INPP4B: variants seen among roughly 807,000 people sequenced by gnomAD.
The protein encoded by INPP4B is inositol polyphosphate 4-phosphatase type II.
A neutral mutation model predicts 122.5 loss-of-function variants in INPP4B; 55 were observed. That is an observed-to-expected ratio of 0.45 (90% CI 0.36 to 0.56). The LOEUF (loss-of-function observed/expected upper bound fraction) is 0.56, where lower values mean the gene tolerates loss of function less well. Among genes scored for constraint, INPP4B ranks in the 20% least tolerant of loss-of-function variants. The pLI, the probability that INPP4B is intolerant of heterozygous loss-of-function variation, is 0.00. For missense variants in INPP4B, 1,000 were observed against 1,097.7 expected (o/e 0.91, Z 1.26); for synonymous variants, 403 against 388.7 (o/e 1.04, Z -0.43).
intron 2 of INPP4B, among the ~76,000 whole-genome samples, chr4:142,632,057 A>C (rs1748088636): frequency 6.6e-6 from 1 of 152,144 alleles, no homozygotes; most frequent in Admixed American, 6.6e-5. Context: ...TCAAACAGAC[A>C]AGAATGCTAT....
At chr4:142,037,170 TTTTA>T (rs544491234) in intron 25 of INPP4B, among the ~76,000 whole-genome samples, 1 of 152,300 alleles carries the variant, frequency 6.6e-6, no homozygotes, top group Non-Finnish European at 1.5e-5. Flanking sequence ...AAATGATCTT[TTTTA>T]TTTATTTATT....
intron 12 of INPP4B, among the ~76,000 whole-genome samples, chr4:142,219,770 G>A (rs185803453): frequency 1.2e-4 from 19 of 152,224 alleles, no homozygotes; most frequent in Admixed American, 4.6e-4. Flanking sequence ...GTCCAGTTTC[G>A]TAGGTAGAAG....
chr4:142,600,205 C>T (rs76909549), intron 2 of INPP4B, among the ~76,000 whole-genome samples: 1,586 of 152,172 alleles, frequency 0.01, 30 homozygotes, highest in African/African-American at 0.036. Context: ...ATCTTCTCCA[C>T]GGTACATTAT....
In INPP4B at chr4:142,594,589, T is replaced by C. The variant is rs189479872; in HGVS notation, c.-191+131250A>G. Among the ~76,000 whole-genome samples the C allele has an allele frequency of 7.2e-5, 11 of 152,306 alleles. No homozygotes were observed. In the East Asian group the frequency reaches 2.1e-3, roughly 29 times the overall value. ...TGACTTTGGGGAGCTAGACCACTTA[T>C]TATTGCCTCTCATTGATTAGCTACA... On this transcript the variant is annotated intron_variant, in intron 2 of 25. Coordinates refer to ENST00000262992, the MANE Select transcript of INPP4B (RefSeq NM_001101669.3).
intron 2 of INPP4B, among the ~76,000 whole-genome samples, chr4:142,666,666 T>C (rs778985690): frequency 5.9e-5 from 9 of 152,190 alleles, no homozygotes; most frequent in Non-Finnish European, 1.3e-4. Context: ...CATGTGTGTG[T>C]GTGTGTGTAC....
Position 142,028,611 on chromosome 4 carries a change from T to A in INPP4B, c.*171A>T. 1 of 618,530 alleles carries A rather than the reference T, an allele frequency of 1.6e-6. No homozygotes were observed. Among genetic ancestry groups the A allele is most frequent in the South Asian group, 2.4e-5 (1 of 41,408 alleles). 38.3% of individuals were successfully genotyped at this position (618,530 alleles called of 1,614,324 possible). On this transcript the variant is annotated 3_prime_UTR_variant, in exon 26 of 26. Coordinates refer to ENST00000262992, the MANE Select transcript of INPP4B (RefSeq NM_001101669.3). ...TAAGATTTTTTAAAATGGATTTCTT[T>A]CAGAGCAATATGCTGATGATGAATT...
Position 142,208,447 on chromosome 4 carries a change from C to T in INPP4B, c.1050G>A (p.Gln350=), listed in dbSNP as rs1256937933. Residue 350 remains glutamine (Q), a synonymous_variant, in exon 14 of 26, where the codon CAG becomes CAA. Coordinates refer to ENST00000262992, the MANE Select transcript of INPP4B (RefSeq NM_001101669.3). ...VPINLHLQRM[Q]VHSPHLKDAL... The stretch of plus-strand genomic sequence containing the variant: ...TACCTTTCAAGTGAGGGCTGTGTAC[C>T]TGCATTCTTTGCAGATGTAGATTTA... 2 of 1,586,172 alleles carry T rather than the reference C, an allele frequency of 1.3e-6. No individual in the cohort carries two copies. The highest frequency in any genetic ancestry group is 1.1e-5 in the South Asian group (1 of 88,358).
chr4:142,457,237 GAC>G (rs1265328563), intron 3 of INPP4B, among the ~76,000 whole-genome samples: 1 of 151,880 alleles, frequency 6.6e-6, no homozygotes, highest in Non-Finnish European at 1.5e-5. Context: ...TTGTTAATAT[GAC>G]ACAAAACATA....
At chr4:142,612,688 G>T (rs1416788828) in intron 2 of INPP4B, among the ~76,000 whole-genome samples, 1 of 152,134 alleles carries the variant, frequency 6.6e-6, no homozygotes, top group Non-Finnish European at 1.5e-5. Flanking sequence ...GAAAGGGAAA[G>T]AAAACTCCCT....
chr4:142,623,855 G>A (rs1408713615), intron 2 of INPP4B, among the ~76,000 whole-genome samples: 1 of 151,860 alleles, frequency 6.6e-6, no homozygotes, highest in African/African-American at 2.4e-5. Flanking sequence ...TACTGAGAAT[G>A]ATGATTTCCA....
At chr4:142,298,130 G>A (rs1337789024) in intron 9 of INPP4B, among the ~76,000 whole-genome samples, 1 of 151,964 alleles carries the variant, frequency 6.6e-6, no homozygotes, top group Non-Finnish European at 1.5e-5. Context: ...AAACAAAACA[G>A]GAAAGAAGAT....
At chr4:142,417,518 C>T (rs890337737) in intron 5 of INPP4B, among the ~76,000 whole-genome samples, 4 of 152,086 alleles carry the variant, frequency 2.6e-5, no homozygotes, top group East Asian at 1.9e-4. Flanking sequence ...AAATTCCTAA[C>T]AATGTATTAG....
chr4:142,347,550 T>C (rs1780668860), intron 7 of INPP4B: 3 of 429,800 alleles, frequency 7.0e-6, no homozygotes, highest in Non-Finnish European at 1.4e-5. Context: ...AATCTGTTGA[T>C]CCTGAACTGA....
intron 2 of INPP4B, among the ~76,000 whole-genome samples, chr4:142,709,323 G>A (rs1168316960): frequency 6.6e-6 from 1 of 152,096 alleles, no homozygotes; most frequent in Non-Finnish European, 1.5e-5. Context: ...AAGGCTTTGG[G>A]GGACTGTTAA....
At chr4:142,701,312 C>T (rs559928577) in intron 2 of INPP4B, among the ~76,000 whole-genome samples, 4 of 151,936 alleles carry the variant, frequency 2.6e-5, no homozygotes, top group African/African-American at 9.7e-5. Context: ...GTAGGAGATG[C>T]CCCAAAACAG....
chr4:142,228,503 G>A (rs1852635904), intron 12 of INPP4B, among the ~76,000 whole-genome samples: 2 of 151,872 alleles, frequency 1.3e-5, no homozygotes, highest in Admixed American at 1.3e-4. Flanking sequence ...AATTACTTTG[G>A]TGAAGATAGT....
At chr4:142,644,085 T>C (rs1409905234) in intron 2 of INPP4B, among the ~76,000 whole-genome samples, 2 of 151,810 alleles carry the variant, frequency 1.3e-5, no homozygotes, top group African/African-American at 2.4e-5. Context: ...CCTATAGTCC[T>C]AGCTACTTGG....
chr4:142,383,209 C>A (rs1794808569), intron 7 of INPP4B, among the ~76,000 whole-genome samples: 1 of 151,968 alleles, frequency 6.6e-6, no homozygotes, highest in African/African-American at 2.4e-5. Context: ...AATCTTTGCA[C>A]CTATGCTTTT....
At chr4:142,433,967 G>A (rs1055593877) in intron 3 of INPP4B, among the ~76,000 whole-genome samples, 2 of 151,828 alleles carry the variant, frequency 1.3e-5, no homozygotes, top group African/African-American at 4.8e-5. Flanking sequence ...AAGATGAAAG[G>A]AGCAAAAAGA....
Sources: gnomAD v4.1 joint callset for allele counts (sites outside exome capture counted in the v4.1 genomes callset) on GRCh38, gnomAD v4.1.1 for gene constraint, MANE v1.5 for transcripts, NCBI Gene and HGNC (gene_info 2026-07-23, HGNC 2026-07-21) for gene names.